Variants in ELAPOR1 observed in about 807,000 individuals in gnomAD.
ELAPOR1 encodes the protein endosome/lysosome-associated apoptosis and autophagy regulator 1.
ELAPOR1 carries 77 observed loss-of-function variants against 119.7 expected under a neutral mutation model. That is an observed-to-expected ratio of 0.64 (90% CI 0.54 to 0.78). The LOEUF is 0.78. ELAPOR1 is among the 30% of genes least tolerant of loss of function. ELAPOR1 has a pLI of 0.00. For synonymous variants in ELAPOR1, 481 were observed against 487.2 expected (o/e 0.99, Z 0.17); for missense variants, 1,115 against 1,270.4 (o/e 0.88, Z 1.86).
Position 109,191,400 on chromosome 1 carries a change from A to G in ELAPOR1, c.1474A>G (p.Lys492Glu), listed in dbSNP as rs1274752039. ...GTCGGTGATGGCAGACACAGAGAAT[A>G]AAGAGGTGGCCAGAATCACATTTGT... The part of the protein sequence containing the change: ...PQSVMADTEN[K>E]EVARITFVFE... Residue 492 changes from lysine (K) to glutamate (E), a missense_variant, in exon 12 of 22, where the codon AAA (lysine) becomes GAA (glutamate). Physicochemically the swap from Lys to Glu is moderately conservative, Grantham distance 56 (BLOSUM62 1). Transcript: ENST00000369939. 3.7e-6 allele frequency: 6 copies of G among 1,614,136 alleles called. No homozygotes were observed. The highest frequency in any genetic ancestry group is 5.1e-6 in the Non-Finnish European group (6 of 1,179,996).
rs1231560379 is a variant in ELAPOR1, at chr1:109,171,886, G to C, written c.488G>C (p.Gly163Ala). 2.5e-6 allele frequency: 4 copies of C among 1,614,106 alleles called. No homozygotes were observed. The African/African-American group carries it at 5.3e-5, about 22-fold the overall frequency. The change falls in exon 4 of 22, where the codon GGC becomes GCC. Residue 163 changes from glycine (G) to alanine (A), a missense_variant. By Grantham distance (60) the Gly-to-Ala change is moderately conservative (BLOSUM62 0). Transcript: ENST00000369939. ...CACAGGTCCAAGTGGGTTCCCCGGG[G>C]CGACTACATCGCCTCCAACACGGAC... ...NCTSSKWVPR[G>A]DYIASNTDEC...
chr1:109,132,930 GA>G (rs34714028), intron 1 of ELAPOR1, among the ~76,000 whole-genome samples: 7,882 of 152,112 alleles, frequency 0.052, 258 homozygotes, highest in Middle Eastern at 0.14. Context: ...AATTATGGCA[GA>G]AAAAAATACA....
chr1:109,197,395 AG>A, intron 15 of ELAPOR1, 78 bp from the exon 16 acceptor site: 1 of 1,246,216 alleles, frequency 8.0e-7, no homozygotes, highest in South Asian at 1.4e-5. Context: ...GATGTAAAAA[AG>A]CCTTCCCTAT....
intron 1 of ELAPOR1, among the ~76,000 whole-genome samples, chr1:109,139,837 T>C (rs1649716900): frequency 6.6e-6 from 1 of 152,114 alleles, no homozygotes; most frequent in Non-Finnish European, 1.5e-5. Flanking sequence ...AGTGGCATGA[T>C]CTTGGCTCAC....
intron 7 of ELAPOR1, among the ~76,000 whole-genome samples, chr1:109,184,729 C>T (rs747488909): frequency 7.9e-5 from 12 of 152,216 alleles, no homozygotes; most frequent in Admixed American, 6.5e-4. Flanking sequence ...AAGCTGTTTC[C>T]GTCTACCCTC....
intron 1 of ELAPOR1, among the ~76,000 whole-genome samples, chr1:109,135,336 T>C (rs1649399795): frequency 6.6e-6 from 1 of 152,082 alleles, no homozygotes. Flanking sequence ...TTCCACCTCC[T>C]GGGTTCAAGC....
chr1:109,189,299 A>T, intron 10 of ELAPOR1, 105 bp downstream of exon 10: 1 of 1,383,654 alleles, frequency 7.2e-7, no homozygotes, highest in East Asian at 2.5e-5. Flanking sequence ...AAATAAGCTA[A>T]CCATGTCATG....
chr1:109,173,842 T>C lies in ELAPOR1; in HGVS notation c.952+5T>C, dbSNP rs1238823089. ...GTGACCCTGACAAATACTCAGGTGATGTTTCTGAGGGTGGGAAGAGTTTGG... is the reference window on the plus strand; with the variant it reads ...GTGACCCTGACAAATACTCAGGTGACGTTTCTGAGGGTGGGAAGAGTTTGG... On this transcript the variant is annotated splice_donor_5th_base_variant and intron_variant, in intron 7 of 21. Transcript: ENST00000369939. 1.5e-5 allele frequency: 25 copies of C among 1,613,574 alleles called. No homozygotes were observed. The highest frequency in any genetic ancestry group is 1.9e-5 in the Non-Finnish European group (23 of 1,179,802).
At chr1:109,144,562 G>A (rs1650062129) in intron 1 of ELAPOR1, among the ~76,000 whole-genome samples, 3 of 151,976 alleles carry the variant, frequency 2.0e-5, no homozygotes, top group Admixed American at 6.6e-5. Flanking sequence ...CCAACATGGC[G>A]AAACCCTGTC....
In ELAPOR1 at chr1:109,196,768, C is replaced by T. The variant is rs556088610; in HGVS notation, c.2122-706C>T. On this transcript the variant is annotated intron_variant, in intron 15 of 21. Transcript: ENST00000369939. ...CACGATCTCTGCTCACTGCAACCTC[C>T]GCCTCCCAGGTTGAAGCGATTCTCC... 1.3e-4 allele frequency among the ~76,000 whole-genome samples: 19 copies of T among 151,926 alleles called. No homozygotes were observed. The East Asian group carries it at 2.1e-3, about 17-fold the overall frequency.
At chr1:109,197,742 T>C (rs17014532) in intron 16 of ELAPOR1, 88 bp downstream of exon 16, 4 of 1,399,834 alleles carry the variant, frequency 2.9e-6, no homozygotes, top group African/African-American at 1.4e-5. Context: ...AGGTTACCAG[T>C]CTGGGAGGTA....
chr1:109,140,812 T>A (rs1649780259), intron 1 of ELAPOR1, among the ~76,000 whole-genome samples: 1 of 152,206 alleles, frequency 6.6e-6, no homozygotes, highest in African/African-American at 2.4e-5. Context: ...AAGAAATAAG[T>A]GAAACTAAAT....
At chr1:109,175,273 G>A (rs1265218676) in intron 7 of ELAPOR1, among the ~76,000 whole-genome samples, 3 of 151,566 alleles carry the variant, frequency 2.0e-5, no homozygotes, top group African/African-American at 7.3e-5. Flanking sequence ...CGTGATCTCG[G>A]CTCACCACAA....
intron 7 of ELAPOR1, among the ~76,000 whole-genome samples, chr1:109,174,455 A>C (rs1324560055): frequency 1.5e-5 from 2 of 137,484 alleles, no homozygotes; most frequent in Non-Finnish European, 3.2e-5. Flanking sequence ...AAAATCATTC[A>C]ATAAATATTG....
chr1:109,119,957 T>C (rs1648285556), intron 1 of ELAPOR1, among the ~76,000 whole-genome samples: 1 of 152,186 alleles, frequency 6.6e-6, no homozygotes, highest in Non-Finnish European at 1.5e-5. Flanking sequence ...AGATTGGGAT[T>C]CTATTAAGGA....
At chr1:109,159,078 G>A (rs1651077784) in intron 1 of ELAPOR1, among the ~76,000 whole-genome samples, 1 of 152,004 alleles carries the variant, frequency 6.6e-6, no homozygotes, top group Non-Finnish European at 1.5e-5. Flanking sequence ...ATTTTTAGTA[G>A]AGACAGAGTT....
At chr1:109,133,653 T>C (rs993996988) in intron 1 of ELAPOR1, among the ~76,000 whole-genome samples, 6 of 152,234 alleles carry the variant, frequency 3.9e-5, no homozygotes, top group Non-Finnish European at 7.3e-5. Flanking sequence ...GAATCTATCT[T>C]ATTTTTTAGG....
In ELAPOR1 at chr1:109,200,272, A is replaced by G. The variant is rs11102954; in HGVS notation, c.2807+35A>G. On this transcript the variant is annotated intron_variant, in intron 20 of 21. Coordinates refer to ENST00000369939, the MANE Select transcript of ELAPOR1 (RefSeq NM_020775.5). ...GCGGTATTGGAGTGTGGGGATGGACAGGGTTGGATTATTGATCAGGGAGAA... is the reference window on the plus strand; with the variant it reads ...GCGGTATTGGAGTGTGGGGATGGACGGGGTTGGATTATTGATCAGGGAGAA... 2,860 of 1,600,450 alleles carry G rather than the reference A, an allele frequency of 1.8e-3. 38 individuals are homozygous for G. In the African/African-American group the frequency reaches 0.032, roughly 18 times the overall value.
At chr1:109,148,622 G>C (rs962651972) in intron 1 of ELAPOR1, among the ~76,000 whole-genome samples, 2 of 152,134 alleles carry the variant, frequency 1.3e-5, no homozygotes, top group Non-Finnish European at 1.5e-5. Context: ...CTGTTGAACT[G>C]GTTCTCCAGG....
Sources: gnomAD v4.1 joint callset for allele counts (sites outside exome capture counted in the v4.1 genomes callset) on GRCh38, gnomAD v4.1.1 for gene constraint, MANE v1.5 for transcripts, NCBI Gene and HGNC (gene_info 2026-07-23, HGNC 2026-07-21) for gene names.